CSMD2: variants seen among roughly 807,000 people sequenced by gnomAD.
CSMD2 encodes CUB and sushi domain-containing protein 2.
Under a neutral mutation model 398.5 loss-of-function variants are expected in CSMD2, and 130 were observed. The ratio of observed to expected loss-of-function variants is 0.33; its 90% CI spans 0.28 to 0.38. The LOEUF is 0.38. Ranked by LOEUF, CSMD2 falls within the 10% of genes least tolerant of loss-of-function variation. The probability of loss-of-function intolerance (pLI) is 1.00; values close to 1 mark genes in which losing one functional copy is unlikely to be tolerated. For missense variants in CSMD2, 3,829 were observed against 4,764.9 expected, an observed-to-expected ratio of 0.80 and a Z score of 5.78; for synonymous variants, 1,828 against 1,908.5, an observed-to-expected ratio of 0.96 and a Z score of 1.10.
intron 9 of CSMD2, 113 bp from the exon 10 acceptor site, chr1:33,810,977 A>G (rs1656804709): frequency 8.2e-7 from 1 of 1,214,772 alleles, no homozygotes; most frequent in Non-Finnish European, 1.1e-6. Context: ...CACCCTGGAC[A>G]TAACCTTCTG....
intron 15 of CSMD2, among the ~76,000 whole-genome samples, chr1:33,738,376 C>T (rs190476751): frequency 5.3e-4 from 80 of 152,310 alleles, no homozygotes; most frequent in Non-Finnish European, 9.7e-4. Flanking sequence ...CCAGGTACCA[C>T]GGTTGGTACA....
At chr1:33,573,798 A>C (rs1394647680) in intron 49 of CSMD2, among the ~76,000 whole-genome samples, 1 of 152,212 alleles carries the variant, frequency 6.6e-6, no homozygotes, top group Non-Finnish European at 1.5e-5. Context: ...AAGTCTTCAG[A>C]TGGAAAGGGA....
At position 33,533,736 on chromosome 1, in the gene CSMD2, C is replaced by G; in HGVS notation, c.9991+60G>C. ...GTCATTCAGAGCATTCAAACATGAC[C>G]CAGATGCCCAGCTGGGGCAAGAGGA... is the stretch of plus-strand genomic sequence containing the variant. On this transcript the variant is annotated intron_variant, in intron 63 of 70. Coordinates refer to ENST00000373381, the MANE Select transcript of CSMD2 (RefSeq NM_001281956.2). The surrounding 1 kb of genome is among the most constrained non-coding windows in gnomAD (Gnocchi z 4.2). 1.8e-6 allele frequency: 2 copies of G among 1,091,960 alleles called. No homozygotes were observed. Among genetic ancestry groups the G allele is most frequent in the Admixed American group, 1.7e-5 (1 of 57,384 alleles). The allele number at this position is 1,091,960 out of a possible 1,614,324, so 67.6% of individuals were successfully genotyped here. A position where few individuals can be genotyped will look rare whatever the true frequency, so the allele number is the denominator to read the frequency against.
intron 19 of CSMD2, among the ~76,000 whole-genome samples, chr1:33,723,894 G>A (rs756705170): frequency 2.0e-5 from 3 of 152,218 alleles, no homozygotes; most frequent in Non-Finnish European, 4.4e-5. Flanking sequence ...CTGAGCTGGC[G>A]TGTTGCCATC....
intron 44 of CSMD2, among the ~76,000 whole-genome samples, chr1:33,595,799 G>C (rs927011982): frequency 6.6e-6 from 1 of 152,132 alleles, no homozygotes; most frequent in African/African-American, 2.4e-5. Context: ...ATTTCTTCAA[G>C]GAGCCCTGGT....
chr1:33,722,790 T>A (rs1184924506), intron 19 of CSMD2, among the ~76,000 whole-genome samples: 3 of 152,178 alleles, frequency 2.0e-5, no homozygotes, highest in Non-Finnish European at 4.4e-5. Flanking sequence ...AGTCTTTGCC[T>A]TTATGGATTC....
chr1:33,854,666 A>C (rs1164967117), intron 5 of CSMD2, among the ~76,000 whole-genome samples: 2 of 152,232 alleles, frequency 1.3e-5, no homozygotes, highest in Admixed American at 1.3e-4. Context: ...CAATGTGGGC[A>C]AATGTTCCCC....
Position 33,625,137 on chromosome 1 carries a change from T to C in CSMD2, c.5414A>G (p.Tyr1805Cys). The C allele has an allele frequency of 3.1e-6, 5 of 1,613,666 alleles. No individual in the cohort carries two copies. The highest frequency in any genetic ancestry group is 4.2e-6 in the Non-Finnish European group (5 of 1,179,866). ...GATCTCTGGCGACCCCTGCAGGGCA[T>C]AGCCGGAGTTGCATTCGAAGCGGAC... is the stretch of plus-strand genomic sequence containing the variant. The part of the protein sequence containing the change: ...AIVRFECNSG[Y>C]ALQGSPEIEC... The change falls in exon 34 of 71, where the codon TAT becomes TGT. Residue 1805 changes from tyrosine to cysteine, a missense_variant. Tyr to Cys is a radical substitution (Grantham distance 194, BLOSUM62 -2). Around this residue, in one of 5 missense-constraint regions of CSMD2, gnomAD observed 2,001 missense variants for 2,567.1 expected, o/e 0.78. Transcript: ENST00000373381.
intron 3 of CSMD2, among the ~76,000 whole-genome samples, chr1:33,967,964 C>T (rs983637889): frequency 1.3e-5 from 2 of 152,188 alleles, no homozygotes; most frequent in Non-Finnish European, 2.9e-5. Context: ...GAGATCCCAT[C>T]ACTGCAGGAG....
intron 2 of CSMD2, among the ~76,000 whole-genome samples, chr1:34,059,504 T>C (rs6700561): frequency 0.2 from 30,078 of 152,100 alleles, 3,290 homozygotes; most frequent in Middle Eastern, 0.27. Flanking sequence ...CTGTAATCAT[T>C]CTGTCTGTTT....
chr1:33,623,528 T>C lies in CSMD2; in HGVS notation c.5626-62A>G. The stretch of plus-strand genomic sequence containing the variant: ...CCTGCGTCCCTCCCTCCTTCTCTGC[T>C]TTCCCTTTCTGCCCTTCCCGTAGTT... On this transcript the variant is annotated intron_variant, in intron 35 of 70. Transcript: ENST00000373381. The C allele has an allele frequency of 4.3e-6, 5 of 1,170,052 alleles. No homozygotes were observed. The African/African-American group carries it at 6.0e-5, about 14-fold the overall frequency. 72.5% of individuals were successfully genotyped at this position (1,170,052 alleles called of 1,614,324 possible). A position where few individuals can be genotyped will look rare whatever the true frequency, so the allele number is the denominator to read the frequency against.
chr1:33,701,791 C>T (rs376054860), intron 22 of CSMD2, among the ~76,000 whole-genome samples: 1 of 152,162 alleles, frequency 6.6e-6, no homozygotes. Context: ...AAGAGTTTAG[C>T]TTAAATTGTT....
intron 5 of CSMD2, among the ~76,000 whole-genome samples, chr1:33,886,973 A>T (rs1641638842): frequency 6.6e-6 from 1 of 151,268 alleles, no homozygotes. Context: ...TGAGACTCAG[A>T]GGTTTTTTTT....
intron 3 of CSMD2, among the ~76,000 whole-genome samples, chr1:33,994,005 A>G (rs1646646367): frequency 6.6e-6 from 1 of 152,192 alleles, no homozygotes; most frequent in Non-Finnish European, 1.5e-5. Flanking sequence ...GAAAAAGGTC[A>G]CGTTCTGTTA....
chr1:34,007,204 G>A (rs1000552456), intron 3 of CSMD2, among the ~76,000 whole-genome samples: 1 of 152,026 alleles, frequency 6.6e-6, no homozygotes, highest in Non-Finnish European at 1.5e-5. Flanking sequence ...TGAGCATCAC[G>A]CCTGACCTCA....
chr1:33,675,597 A>G (rs1644681317), intron 25 of CSMD2, among the ~76,000 whole-genome samples: 1 of 152,238 alleles, frequency 6.6e-6, no homozygotes, highest in Admixed American at 6.5e-5. Flanking sequence ...AATCCTCCCT[A>G]ACTCATTTTA....
At chr1:33,675,760 A>G (rs1216651363) in intron 25 of CSMD2, among the ~76,000 whole-genome samples, 1 of 152,226 alleles carries the variant, frequency 6.6e-6, no homozygotes, top group Non-Finnish European at 1.5e-5. Flanking sequence ...CTTATGCACC[A>G]TGATCAAGTG....
intron 2 of CSMD2, among the ~76,000 whole-genome samples, chr1:34,069,001 T>C (rs537473608): frequency 4.4e-4 from 67 of 152,330 alleles, no homozygotes; most frequent in Admixed American, 3.9e-3. Context: ...GGTATGTCTT[T>C]ATCAGCAGCA....
chr1:33,536,922 C>T (rs753956421), intron 62 of CSMD2, 100 bp downstream of exon 62: 13 of 1,163,540 alleles, frequency 1.1e-5, no homozygotes, highest in Non-Finnish European at 1.5e-5. Flanking sequence ...TCTTGTCCTC[C>T]CTGAGTGCTG....
Sources: allele counts gnomAD v4.1 joint callset (sites outside exome capture counted in the v4.1 genomes callset), GRCh38; gene constraint gnomAD v4.1.1; regional missense constraint gnomAD v4.1.1; non-coding constraint Gnocchi (gnomAD v3.1); transcripts MANE v1.5; gene names NCBI Gene and HGNC (gene_info 2026-07-23, HGNC 2026-07-21).